SUDS3: variants seen among roughly 807,000 people sequenced by gnomAD.
SUDS3 encodes the protein sin3 histone deacetylase corepressor complex component SDS3.
A neutral mutation model predicts 53.5 loss-of-function variants in SUDS3; 23 were observed. The ratio of observed to expected loss-of-function variants is 0.43; its 90% CI spans 0.31 to 0.61. The LOEUF (loss-of-function observed/expected upper bound fraction) is 0.61. Ranked by LOEUF, SUDS3 falls within the 20% of genes least tolerant of loss-of-function variation. The pLI, the probability that SUDS3 is intolerant of heterozygous loss-of-function variation, is 0.10. For synonymous variants in SUDS3, 150 were observed against 148.5 expected, an observed-to-expected ratio of 1.01 and a Z score of -0.08; for missense variants, 291 against 405.9, an observed-to-expected ratio of 0.72 and a Z score of 2.43.
intron 5 of SUDS3, among the ~76,000 whole-genome samples, chr12:118,390,614 C>A (rs1386473004): frequency 6.6e-6 from 1 of 152,162 alleles, no homozygotes; most frequent in Non-Finnish European, 1.5e-5. Flanking sequence ...CATCCTTAGC[C>A]CACCATAGGC....
intron 6 of SUDS3, among the ~76,000 whole-genome samples, chr12:118,394,352 C>G (rs1424826831): frequency 2.0e-5 from 3 of 152,168 alleles, no homozygotes; most frequent in Admixed American, 2.0e-4. Flanking sequence ...TTGGGGGTAT[C>G]GCTTCTGATT....
rs1339838516 is a variant in SUDS3, at chr12:118,414,354, G to C, written c.908G>C (p.Ser303Thr). The change falls in exon 12 of 12, where the codon AGT (serine) becomes ACT (threonine). Residue 303 changes from serine (S) to threonine (T), a missense_variant. Physicochemically the swap from Ser to Thr is moderately conservative, Grantham distance 58. Around this residue, in one of 4 missense-constraint regions of SUDS3, gnomAD observed 10 missense variants for 48.1 expected, o/e 0.21. Coordinates refer to ENST00000543473, the MANE Select transcript of SUDS3 (RefSeq NM_022491.3). Reference sequence around the variant, plus strand: ...CTGCAGATCTGGGTGAGGAAGACAAGTGACAGCACCAAGATGAGGATCTAC... The same window carrying C: ...CTGCAGATCTGGGTGAGGAAGACAACTGACAGCACCAAGATGAGGATCTAC... Reference protein sequence around the residue: ...GANEIWVRKTSDSTKMRIYLG... With the variant: ...GANEIWVRKTTDSTKMRIYLG... 4 of 1,606,064 alleles carry C rather than the reference G, an allele frequency of 2.5e-6. No homozygotes were observed. The African/African-American group carries it at 5.3e-5, about 21-fold the overall frequency.
intron 5 of SUDS3, 27 bp from the exon 6 acceptor site, chr12:118,391,099 C>T (rs1593762350): frequency 6.2e-7 from 1 of 1,609,856 alleles, no homozygotes; most frequent in East Asian, 2.2e-5. Flanking sequence ...GCTGTGTACT[C>T]CCAGCCCGTG....
At chr12:118,412,743 A>C (rs1439134493) in intron 11 of SUDS3, among the ~76,000 whole-genome samples, 2 of 151,030 alleles carry the variant, frequency 1.3e-5, no homozygotes, top group Middle Eastern at 3.4e-3. Context: ...GAAAAATATA[A>C]ATGCAAGTTA....
At chr12:118,386,707 CT>C (rs1192256224) in intron 4 of SUDS3, among the ~76,000 whole-genome samples, 1 of 152,208 alleles carries the variant, frequency 6.6e-6, no homozygotes, top group Non-Finnish European at 1.5e-5. Context: ...CCTGCTACAT[CT>C]AAGCACTGCG....
At chr12:118,412,601 G>A (rs1229187651) in intron 11 of SUDS3, among the ~76,000 whole-genome samples, 2 of 152,164 alleles carry the variant, frequency 1.3e-5, no homozygotes, top group African/African-American at 4.8e-5. Context: ...GCCAAGAGGT[G>A]TCACGATTTC....
intron 10 of SUDS3, among the ~76,000 whole-genome samples, chr12:118,409,452 CTGTTTCTTTTA>C (rs1566210551): frequency 6.6e-6 from 1 of 152,174 alleles, no homozygotes; most frequent in African/African-American, 2.4e-5. Context: ...GCCTAAAATT[CTGTTTCTTTTA>C]ACAGTATTTT....
At position 118,411,383 on chromosome 12, in the gene SUDS3, G is replaced by A. The variant is rs530858720; in HGVS notation, c.888+226G>A. Among the ~76,000 whole-genome samples the A allele has an allele frequency of 1.3e-5, 2 of 152,318 alleles. 1 individual carries two copies. The highest frequency in any genetic ancestry group is 4.1e-4 in the South Asian group (2 of 4,832). On this transcript the variant is annotated intron_variant, in intron 11 of 11. Coordinates refer to ENST00000543473, the MANE Select transcript of SUDS3 (RefSeq NM_022491.3). ...TATGCGGATTTGTCTATTCCATGGG[G>A]TATTTGTGAACTCCCGGTACAGCTA... is the stretch of plus-strand genomic sequence containing the variant.
intron 7 of SUDS3, among the ~76,000 whole-genome samples, chr12:118,401,293 G>A (rs2046260705): frequency 6.6e-6 from 1 of 152,200 alleles, no homozygotes; most frequent in Non-Finnish European, 1.5e-5. Context: ...CGAGGAGATG[G>A]TGAATAGCTC....
intron 10 of SUDS3, chr12:118,403,953 A>G: frequency 5.5e-6 from 1 of 180,670 alleles, no homozygotes; most frequent in Non-Finnish European, 1.2e-5. Flanking sequence ...GCTCCCTTGT[A>G]GTACCCTTTG....
At chr12:118,392,604 T>C (rs2046177308) in intron 6 of SUDS3, among the ~76,000 whole-genome samples, 1 of 152,206 alleles carries the variant, frequency 6.6e-6, no homozygotes. Flanking sequence ...TGAAAGTGCT[T>C]ATTTAATGAG....
chr12:118,403,558 GA>G, intron 10 of SUDS3, 41 bp downstream of exon 10: 1 of 1,501,622 alleles, frequency 6.7e-7, no homozygotes, highest in South Asian at 1.2e-5. Context: ...AGTCTCATAT[GA>G]ACCACTTGGA....
chr12:118,407,157 C>T (rs1392638639), intron 10 of SUDS3, among the ~76,000 whole-genome samples: 1 of 152,132 alleles, frequency 6.6e-6, no homozygotes, highest in African/African-American at 2.4e-5. Flanking sequence ...GCCTCAGCCT[C>T]CCAAAGTGCT....
At chr12:118,384,107 C>T (rs1466113608) in intron 3 of SUDS3, 40 bp downstream of exon 3, 1 of 1,584,036 alleles carries the variant, frequency 6.3e-7, no homozygotes, top group Non-Finnish European at 8.7e-7. Flanking sequence ...AAATATGCTT[C>T]TTAATATTAC....
intron 1 of SUDS3, among the ~76,000 whole-genome samples, chr12:118,379,268 C>G (rs1190616338): frequency 6.6e-6 from 1 of 152,052 alleles, no homozygotes; most frequent in Non-Finnish European, 1.5e-5. Flanking sequence ...GAAACCTCAT[C>G]TCTACTAAAA....
chr12:118,402,379 C>G (rs973085555), intron 9 of SUDS3: 13 of 242,136 alleles, frequency 5.4e-5, no homozygotes, highest in Non-Finnish European at 8.8e-5. Flanking sequence ...GGCAGTTCTG[C>G]TCCCGTGGCT....
At chr12:118,392,957 A>G (rs1231499595) in intron 6 of SUDS3, among the ~76,000 whole-genome samples, 2 of 152,218 alleles carry the variant, frequency 1.3e-5, no homozygotes, top group African/African-American at 4.8e-5. Flanking sequence ...CTGCCAGGGT[A>G]GAAAAGACAA....
chr12:118,378,155 C>T (rs377245345), intron 1 of SUDS3, among the ~76,000 whole-genome samples: 1 of 152,182 alleles, frequency 6.6e-6, no homozygotes, highest in Non-Finnish European at 1.5e-5. Flanking sequence ...TTTGTACACA[C>T]CCCAGCCATT....
intron 5 of SUDS3, 59 bp downstream of exon 5, chr12:118,390,005 C>T: frequency 2.5e-6 from 4 of 1,604,796 alleles, no homozygotes; most frequent in Non-Finnish European, 2.6e-6. Context: ...ATCTTGCAGT[C>T]CTGATCTGGT....
Sources: gnomAD v4.1 joint callset for allele counts (sites outside exome capture counted in the v4.1 genomes callset) on GRCh38, gnomAD v4.1.1 for gene constraint, gnomAD v4.1.1 regional missense constraint, MANE v1.5 for transcripts, NCBI Gene and HGNC (gene_info 2026-07-23, HGNC 2026-07-21) for gene names.